Variants in GLRA2 observed in about 807,000 individuals in gnomAD.
The protein encoded by GLRA2 is glycine receptor subunit alpha-2.
A neutral mutation model predicts 31.6 loss-of-function variants in GLRA2; 11 were observed. The observed-to-expected ratio is 0.35, with a 90% confidence interval of 0.22 to 0.58. GLRA2 has a LOEUF of 0.58. Among genes scored for constraint, GLRA2 ranks in the 20% least tolerant of loss-of-function variants. The pLI is 0.84. For synonymous variants in GLRA2, 132 were observed against 134.0 expected (o/e 0.99, Z 0.10); for missense variants, 212 against 351.8 (o/e 0.60, Z 3.18).
intron 4 of GLRA2, 60 bp downstream of exon 4, chrX:14,581,466 C>G (rs1234783039): frequency 1.5e-6 from 1 of 650,774 alleles, no homozygotes; most frequent in African/African-American, 2.1e-5. Flanking sequence ...GTAGAGCTGC[C>G]TGATTCTGCA....
At chrX:14,550,761 G>A (rs2089549734) in intron 2 of GLRA2, among the ~76,000 whole-genome samples, 2 of 112,045 alleles carry the variant, frequency 1.8e-5, no homozygotes, top group Non-Finnish European at 1.9e-5. Flanking sequence ...TGAGTAGGAA[G>A]ATATTTTATG....
chrX:14,548,497 G>A (rs147371792), intron 2 of GLRA2, among the ~76,000 whole-genome samples: 1,654 of 111,508 alleles, frequency 0.015, 18 homozygotes, highest in Middle Eastern at 0.041. Context: ...AGGACACTGC[G>A]CTAAGTACAA....
At chrX:14,621,281 C>T (rs1014885856) in intron 7 of GLRA2, among the ~76,000 whole-genome samples, 1 of 111,033 alleles carries the variant, frequency 9.0e-6, no homozygotes, top group African/African-American at 3.3e-5. Context: ...CCAGACCCTA[C>T]CACAAATTAA....
the GLRA2 span, among the ~76,000 whole-genome samples, chrX:14,516,878 A>T: frequency 8.9e-6 from 1 of 111,854 alleles, no homozygotes; most frequent in Non-Finnish European, 1.9e-5. Flanking sequence ...TAAGCAAGCC[A>T]TCTTGGAAGT....
chrX:14,697,091 G>GAAA (rs572262137), intron 8 of GLRA2, among the ~76,000 whole-genome samples: 2,532 of 103,745 alleles, frequency 0.024, 77 homozygotes, highest in African/African-American at 0.082. Context: ...ACCATGGTTA[G>GAAA]AAAAAAAAAA....
chrX:14,725,961 A>G (rs191696777), intron 8 of GLRA2, among the ~76,000 whole-genome samples: 1 of 112,461 alleles, frequency 8.9e-6, no homozygotes, highest in East Asian at 2.8e-4. Flanking sequence ...GTGAATAACA[A>G]AAGAGGGTCA....
intron 7 of GLRA2, among the ~76,000 whole-genome samples, chrX:14,685,956 T>C (rs1482118946): frequency 8.9e-6 from 1 of 112,206 alleles, no homozygotes; most frequent in African/African-American, 3.2e-5. Context: ...TTTAGTGCTA[T>C]AAATTTCCCT....
At chrX:14,577,756 T>A (rs1364446262) in intron 3 of GLRA2, among the ~76,000 whole-genome samples, 1 of 111,660 alleles carries the variant, frequency 9.0e-6, no homozygotes, top group East Asian at 2.8e-4. Flanking sequence ...GAGGTTAGAA[T>A]TTCAACATAT....
chrX:14,707,963 GTTTC>G (rs763531247), intron 8 of GLRA2, among the ~76,000 whole-genome samples: 1 of 110,794 alleles, frequency 9.0e-6, no homozygotes, highest in Non-Finnish European at 1.9e-5. Context: ...ATTGTTACCA[GTTTC>G]TTTTTTTTCC....
chrX:14,708,306 T>C (rs984050628), intron 8 of GLRA2, among the ~76,000 whole-genome samples: 4 of 111,420 alleles, frequency 3.6e-5, no homozygotes, highest in African/African-American at 1.3e-4. Flanking sequence ...GCTCTCAGGG[T>C]GGATCAGGCC....
intron 2 of GLRA2, among the ~76,000 whole-genome samples, chrX:14,545,209 G>A (rs2089462162): frequency 1.8e-5 from 2 of 111,624 alleles, no homozygotes; most frequent in Admixed American, 1.9e-4. Flanking sequence ...TTGAAGATTC[G>A]AGATTTATTT....
At chrX:14,565,795 C>A (rs745428755) in intron 2 of GLRA2, among the ~76,000 whole-genome samples, 1 of 111,196 alleles carries the variant, frequency 9.0e-6, no homozygotes, top group Non-Finnish European at 1.9e-5. Flanking sequence ...AACAAAAACA[C>A]AACGTACCAA....
the GLRA2 span, among the ~76,000 whole-genome samples, chrX:14,505,646 C>T: frequency 0.01 from 1,157 of 111,851 alleles, 7 homozygotes; most frequent in Non-Finnish European, 0.017. Flanking sequence ...GTTTCCATTT[C>T]CTTGGCTGCA....
chrX:14,523,463 G>A, the GLRA2 span, among the ~76,000 whole-genome samples: 2 of 111,787 alleles, frequency 1.8e-5, no homozygotes, highest in East Asian at 2.8e-4. Context: ...TTTTCTTCAC[G>A]AACTTTTCCT....
At chrX:14,727,457 C>T (rs536314027) in intron 8 of GLRA2, among the ~76,000 whole-genome samples, 2 of 112,208 alleles carry the variant, frequency 1.8e-5, no homozygotes, top group African/African-American at 3.2e-5. Flanking sequence ...CTACTTCACA[C>T]TGGTTGAGAT....
chrX:14,552,557 C>T (rs576800608), intron 2 of GLRA2, among the ~76,000 whole-genome samples: 1 of 112,630 alleles, frequency 8.9e-6, no homozygotes, highest in African/African-American at 3.2e-5. Context: ...CCCACATACT[C>T]AGCAACTGTA....
chrX:14,612,923 A>G (rs936846336), intron 7 of GLRA2, among the ~76,000 whole-genome samples: 5 of 110,131 alleles, frequency 4.5e-5, no homozygotes, highest in African/African-American at 1.7e-4. Context: ...GTGTATATCT[A>G]TGTAACACAA....
chrX:14,467,275 A>G, the GLRA2 span, among the ~76,000 whole-genome samples: 1 of 112,067 alleles, frequency 8.9e-6, no homozygotes, highest in Non-Finnish European at 1.9e-5. Context: ...TCCCAGGTCA[A>G]TGTTTCCCTA....
chrX:14,568,464 G>A (rs754112263), intron 2 of GLRA2, among the ~76,000 whole-genome samples: 24 of 108,832 alleles, frequency 2.2e-4, no homozygotes, highest in East Asian at 1.5e-3. Context: ...AGGCCGAGTT[G>A]GGCAGATTAC....
Sources: allele counts gnomAD v4.1 joint callset (sites outside exome capture counted in the v4.1 genomes callset), GRCh38; gene constraint gnomAD v4.1.1; transcripts MANE v1.5; gene names NCBI Gene and HGNC (gene_info 2026-07-23, HGNC 2026-07-21).